The following CRB1 variants were observed in gnomAD, a reference collection of about 807,000 sequenced individuals.
CRB1 encodes crumbs cell polarity complex component 1, also known as protein crumbs homolog 1.
A neutral mutation model predicts 120.0 loss-of-function variants in CRB1; 83 were observed. The ratio of observed to expected loss-of-function variants is 0.69; its 90% CI spans 0.58 to 0.83. CRB1 has a LOEUF of 0.83. CRB1 is among the 40% of genes least tolerant of loss of function. CRB1 has a pLI of 0.00. For synonymous variants in CRB1, 625 were observed against 612.5 expected (o/e 1.02, Z -0.30); for missense variants, 1,699 against 1,687.6 (o/e 1.01, Z -0.12).
intron 11 of CRB1, chr1:197,443,741 C>A (rs995001505): frequency 6.6e-6 from 1 of 151,408 alleles, no homozygotes; most frequent in Non-Finnish European, 1.5e-5. Flanking sequence ...ATAAAGTATA[C>A]TAAGATATGC....
upstream of CRB1, among the ~76,000 whole-genome samples, chr1:197,267,088 T>C (rs1314564227): frequency 2.0e-5 from 3 of 152,206 alleles, no homozygotes; most frequent in African/African-American, 4.8e-5. Flanking sequence ...ATGTTGACAC[T>C]GACCCACCAG....
At chr1:197,264,962 C>T (rs1443484112), upstream of CRB1, among the ~76,000 whole-genome samples, 1 of 152,020 alleles carries the variant, frequency 6.6e-6, no homozygotes, top group Non-Finnish European at 1.5e-5. Context: ...TTTTCTCAAC[C>T]AGTTATTTTC....
chr1:197,400,881 A>G (rs368849714), intron 5 of CRB1, among the ~76,000 whole-genome samples: 3 of 152,208 alleles, frequency 2.0e-5, no homozygotes, highest in East Asian at 3.8e-4. Context: ...AAGGAAGTTA[A>G]AAATTCTAAT....
At chr1:197,235,632 G>T in the CRB1 span, among the ~76,000 whole-genome samples, 3 of 152,126 alleles carry the variant, frequency 2.0e-5, no homozygotes, top group Non-Finnish European at 4.4e-5. Flanking sequence ...TGTAGCAGAG[G>T]CTTGAGCAAT....
chr1:197,303,254 G>T (rs1269537956), intron 1 of CRB1, among the ~76,000 whole-genome samples: 4 of 148,264 alleles, frequency 2.7e-5, no homozygotes, highest in Non-Finnish European at 6.0e-5. Flanking sequence ...TTAGCATTAG[G>T]TATATCTCCT....
chr1:197,413,731 A>C (rs1299841542), intron 5 of CRB1: 2 of 253,896 alleles, frequency 7.9e-6, no homozygotes, highest in Admixed American at 4.7e-5. Context: ...AGAATAACAA[A>C]TCTGCCTGGT....
chr1:197,475,352 TGTG>T (rs1466970653), intron 11 of CRB1, among the ~76,000 whole-genome samples: 1 of 152,156 alleles, frequency 6.6e-6, no homozygotes, highest in Non-Finnish European at 1.5e-5. Context: ...GCTCATCTAA[TGTG>T]GTATCAACAG....
chr1:197,224,762 T>G, the CRB1 span, among the ~76,000 whole-genome samples: 2 of 152,242 alleles, frequency 1.3e-5, no homozygotes, highest in Non-Finnish European at 2.9e-5. Flanking sequence ...GTTGTTTTCT[T>G]TAGCAGTCTA....
intron 1 of CRB1, among the ~76,000 whole-genome samples, chr1:197,310,137 G>A (rs1051286242): frequency 1.2e-4 from 18 of 152,292 alleles, no homozygotes; most frequent in African/African-American, 3.8e-4. Flanking sequence ...TTACCCAACA[G>A]TGTAGGTTTA....
chr1:197,468,022 A>G lies in CRB1; in HGVS notation c.4006-9642A>G, dbSNP rs537954287. Among the ~76,000 whole-genome samples, 4 of 152,238 alleles carry G rather than the reference A, an allele frequency of 2.6e-5. No homozygotes were observed. In the South Asian group the frequency reaches 8.3e-4, roughly 32 times the overall value. Reference sequence around the variant, plus strand: ...CCACTTCCTATTCTAGTTCTTCTCCATTTGTGGCTCTGCATAAGGAGTTAT... The same window carrying G: ...CCACTTCCTATTCTAGTTCTTCTCCGTTTGTGGCTCTGCATAAGGAGTTAT... On this transcript the variant is annotated intron_variant, in intron 11 of 11. Coordinates refer to ENST00000367400, the MANE Select transcript of CRB1 (RefSeq NM_201253.3).
the CRB1 span, among the ~76,000 whole-genome samples, chr1:197,261,893 T>G: frequency 2.0e-5 from 3 of 152,208 alleles, no homozygotes; most frequent in Non-Finnish European, 2.9e-5. Flanking sequence ...TAATCTACTT[T>G]GTGGAGATGC....
the CRB1 span, among the ~76,000 whole-genome samples, chr1:197,228,943 GA>G: frequency 6.6e-6 from 1 of 152,156 alleles, no homozygotes; most frequent in Admixed American, 6.5e-5. Flanking sequence ...CAGATCTTGT[GA>G]GACTTATTCA....
chr1:197,247,674 C>T, the CRB1 span, among the ~76,000 whole-genome samples: 3 of 152,024 alleles, frequency 2.0e-5, no homozygotes, highest in African/African-American at 4.8e-5. Context: ...ACAGAGAAAA[C>T]ATGTTTTTCG....
intron 5 of CRB1, among the ~76,000 whole-genome samples, chr1:197,371,733 G>A (rs1238538472): frequency 6.6e-6 from 1 of 152,152 alleles, no homozygotes; most frequent in Non-Finnish European, 1.5e-5. Flanking sequence ...CATGGGCCCA[G>A]ATGAGTACTG....
the CRB1 span, among the ~76,000 whole-genome samples, chr1:197,216,442 A>G: frequency 6.6e-6 from 1 of 152,204 alleles, no homozygotes; most frequent in Non-Finnish European, 1.5e-5. Context: ...CTAGCTGGAA[A>G]TCGTCAATTA....
intron 1 of CRB1, among the ~76,000 whole-genome samples, chr1:197,276,336 T>C (rs998146589): frequency 4.0e-5 from 6 of 151,826 alleles, no homozygotes; most frequent in Admixed American, 2.6e-4. Context: ...AGCCTTAAGA[T>C]AGGATAATTA....
At chr1:197,345,502 C>CTTTTTTTTT (rs972072957) in intron 3 of CRB1, among the ~76,000 whole-genome samples, 2 of 90,612 alleles carry the variant, frequency 2.2e-5, no homozygotes, top group Non-Finnish European at 4.1e-5. Flanking sequence ...AAAATAATGA[C>CTTTTTTTTT]TTTTTTTTTT....
intron 5 of CRB1, among the ~76,000 whole-genome samples, chr1:197,387,423 T>C (rs1662273504): frequency 1.3e-5 from 2 of 152,146 alleles, no homozygotes; most frequent in Non-Finnish European, 2.9e-5. Flanking sequence ...TTGTCTTTGG[T>C]AATTCTCCCT....
At chr1:197,436,349 T>A (rs925916515) in intron 9 of CRB1, among the ~76,000 whole-genome samples, 1 of 152,042 alleles carries the variant, frequency 6.6e-6, no homozygotes, top group East Asian at 1.9e-4. Context: ...TTCATGTTGA[T>A]TAGGATGAAG....
Sources: allele counts gnomAD v4.1 joint callset (sites outside exome capture counted in the v4.1 genomes callset), GRCh38; gene constraint gnomAD v4.1.1; transcripts MANE v1.5; gene names NCBI Gene and HGNC (gene_info 2026-07-23, HGNC 2026-07-21).